The following SLC30A10 variants were observed in gnomAD, a reference collection of about 807,000 sequenced individuals.
SLC30A10 encodes solute carrier family 30 member 10, also known as calcium/manganese antiporter SLC30A10.
SLC30A10 carries 8 observed loss-of-function variants against 21.7 expected under a neutral mutation model. That is an observed-to-expected ratio of 0.37 (90% CI 0.22 to 0.67). The LOEUF (loss-of-function observed/expected upper bound fraction) is 0.67, where lower values mean the gene tolerates loss of function less well. Among genes scored for constraint, SLC30A10 ranks in the 30% least tolerant of loss-of-function variants. The pLI, the probability that SLC30A10 is intolerant of heterozygous loss-of-function variation, is 0.58. For synonymous variants in SLC30A10, 272 were observed against 279.4 expected (o/e 0.97, Z 0.26); for missense variants, 521 against 642.5 (o/e 0.81, Z 2.04).
In SLC30A10 at chr1:219,915,470, A is replaced by G. The variant is rs144010718; in HGVS notation, c.1437T>C (p.Tyr479=). 35 of 1,614,046 alleles carry G rather than the reference A, an allele frequency of 2.2e-5. No homozygotes were observed. The Middle Eastern group carries it at 4.9e-4, about 23-fold the overall frequency. The stretch of plus-strand genomic sequence containing the variant: ...CAGATTAAAAATGCGTTCTGTTGAC[A>G]TAACATTGGTCCTCCTGAGTTTTGT... ...SLNKTQEDQC[Y]VNRTHF The change falls in exon 4 of 4, where the codon TAT becomes TAC. Residue 479 remains tyrosine, a synonymous_variant. Transcript: ENST00000366926.
rs1571802500 is a variant in SLC30A10 at position 219,927,969 on chromosome 1, G to C, written c.472C>G (p.Leu158Val). 6.5e-7 allele frequency: 1 copy of C among 1,547,298 alleles called. No homozygotes were observed. The highest frequency in any genetic ancestry group is 8.7e-7 in the Non-Finnish European group (1 of 1,146,110). The change falls in exon 1 of 4, where the codon CTG becomes GTG. Residue 158 changes from leucine (L) to valine (V), a missense_variant. Transcript: ENST00000366926. ...RSRRLQQRQQ[L>V]AEGCVPGAFG... The stretch of plus-strand genomic sequence containing the variant: ...GCGCCGGGGACACAGCCCTCCGCCA[G>C]CTGCTGCCGCTGCTGCAGGCGGCGA...
chr1:219,946,723 C>T (rs190722630), intron 1 of SLC30A10, among the ~76,000 whole-genome samples: 3 of 152,186 alleles, frequency 2.0e-5, no homozygotes, highest in Admixed American at 1.3e-4. Flanking sequence ...CCCTGCTCTT[C>T]CAGTTGTTGT....
At chr1:219,916,019 A>C (rs1356190730) in intron 3 of SLC30A10, 71 bp from the exon 4 acceptor site, 1 of 1,537,720 alleles carries the variant, frequency 6.5e-7, no homozygotes, top group African/African-American at 1.4e-5. Flanking sequence ...CAGGAGGGAT[A>C]TGGTTCCGTT....
Position 219,918,514 on chromosome 1 carries a change from C to A in SLC30A10, c.719-20G>T. 6.4e-7 allele frequency: 1 copy of A among 1,558,282 alleles called. No individual in the cohort carries two copies. Among genetic ancestry groups the A allele is most frequent in the Non-Finnish European group, 8.7e-7 (1 of 1,151,082 alleles). On this transcript the variant is annotated intron_variant, in intron 2 of 3. Transcript: ENST00000366926. The surrounding 1 kb of genome is among the most constrained non-coding windows in gnomAD (Gnocchi z 4.4). Reference sequence around the variant, plus strand: ...GTACACCTGCCAGGAAGAAAGACTACTGCAGCACAGATGCAAATCTGGAAG... The same window carrying A: ...GTACACCTGCCAGGAAGAAAGACTAATGCAGCACAGATGCAAATCTGGAAG...
At chr1:219,950,855 G>A (rs924283805) in intron 1 of SLC30A10, among the ~76,000 whole-genome samples, 3 of 152,154 alleles carry the variant, frequency 2.0e-5, no homozygotes, top group African/African-American at 7.2e-5. Context: ...GGCTGAGGCA[G>A]GAGAATGGTT....
upstream of SLC30A10, among the ~76,000 whole-genome samples, chr1:219,931,587 TCTC>T (rs1162734745): frequency 1.3e-5 from 2 of 152,066 alleles, no homozygotes; most frequent in African/African-American, 4.8e-5. Flanking sequence ...TTCAACTGAT[TCTC>T]CTGCCTCAGC....
chr1:219,932,929 C>G (rs1458184800), upstream of SLC30A10, among the ~76,000 whole-genome samples: 4 of 150,962 alleles, frequency 2.6e-5, no homozygotes, highest in African/African-American at 4.9e-5. Flanking sequence ...GGCGTGGTGG[C>G]GCACGCCTGT....
At chr1:219,953,242 C>A (rs1214682758) in intron 1 of SLC30A10, among the ~76,000 whole-genome samples, 1 of 152,132 alleles carries the variant, frequency 6.6e-6, no homozygotes, top group East Asian at 1.9e-4. Flanking sequence ...ATTCTGCCTC[C>A]GATCTAGAAA....
upstream of SLC30A10, among the ~76,000 whole-genome samples, chr1:219,959,020 G>C (rs1432957898): frequency 6.6e-6 from 1 of 152,208 alleles, no homozygotes; most frequent in Admixed American, 6.5e-5. Context: ...TCGCCCCATG[G>C]CGTCTCGGTG....
At chr1:219,943,469 GCA>G (rs1215188170) in intron 1 of SLC30A10, among the ~76,000 whole-genome samples, 1 of 152,106 alleles carries the variant, frequency 6.6e-6, no homozygotes, top group Non-Finnish European at 1.5e-5. Context: ...CCTTCCACCA[GCA>G]CAGTGTCAGA....
At chr1:219,955,352 C>T (rs1278235951) in intron 1 of SLC30A10, among the ~76,000 whole-genome samples, 1 of 152,334 alleles carries the variant, frequency 6.6e-6, no homozygotes, top group African/African-American at 2.4e-5. Context: ...ATCACCTGAA[C>T]TTCCTCACAC....
At chr1:219,957,814 C>T (rs1302850945) in intron 1 of SLC30A10, among the ~76,000 whole-genome samples, 1 of 117,152 alleles carries the variant, frequency 8.5e-6, no homozygotes, top group Non-Finnish European at 1.9e-5. Context: ...ATGATTCCAT[C>T]TTAAAAAAAA....
intron 3 of SLC30A10, among the ~76,000 whole-genome samples, chr1:219,917,156 T>A (rs974214288): frequency 6.6e-6 from 1 of 151,598 alleles, no homozygotes; most frequent in African/African-American, 2.4e-5. Context: ...TTATAAAAAA[T>A]AATTTTTTTA....
Position 219,940,564 on chromosome 1 carries a change from C to A in SLC30A10, n.81-13459G>T, listed in dbSNP as rs77631535. ...ACCACCATGTGAAAGATTGGGAAGCCGTACAAAGGGTCTATAAAGTTTGGA... is the reference window on the plus strand; with the variant it reads ...ACCACCATGTGAAAGATTGGGAAGCAGTACAAAGGGTCTATAAAGTTTGGA... On this transcript the variant is annotated intron_variant and non_coding_transcript_variant, in intron 1 of 8. Coordinates refer to the SLC30A10 transcript ENST00000484239. Among the ~76,000 whole-genome samples, 1,150 of 152,100 alleles carry A rather than the reference C, an allele frequency of 7.6e-3. 11 individuals are homozygous for A. The highest frequency in any genetic ancestry group is 0.027 in the African/African-American group (1,122 of 41,468).
At chr1:219,952,500 G>A (rs1262417359) in intron 1 of SLC30A10, among the ~76,000 whole-genome samples, 1 of 152,114 alleles carries the variant, frequency 6.6e-6, no homozygotes, top group Non-Finnish European at 1.5e-5. Flanking sequence ...GTAGAGTAGA[G>A]TCTTTAATTA....
rs1390605851 is a variant in SLC30A10 at position 219,918,775 on chromosome 1, C to T, written c.719-281G>A. The stretch of plus-strand genomic sequence containing the variant: ...ACTGTGCCGTCTCACTGGGCCACAT[C>T]GCTACCACTCACCACCCATCAAAGG... On this transcript the variant is annotated intron_variant, in intron 2 of 3. Coordinates refer to ENST00000366926, the MANE Select transcript of SLC30A10 (RefSeq NM_018713.3). The surrounding 1 kb of genome is among the most constrained non-coding windows in gnomAD (Gnocchi z 4.4). The T allele has an allele frequency of 1.8e-5, 6 of 328,960 alleles. No homozygotes were observed. The highest frequency in any genetic ancestry group is 5.0e-5 in the East Asian group (1 of 19,886). The allele number at this position is 328,960 out of a possible 1,614,324, so 20.4% of individuals were successfully genotyped here.
chr1:219,922,189 T>TG (rs1558252140), intron 2 of SLC30A10, among the ~76,000 whole-genome samples: 28 of 13,420 alleles, frequency 2.1e-3, no homozygotes, highest in African/African-American at 4.2e-3. Context: ...TTTTTTTTTT[T>TG]TTTTTTTTTT....
chr1:219,914,135 A>G lies in SLC30A10; in HGVS notation c.*1314T>C, dbSNP rs539016661. 3.9e-5 allele frequency: 6 copies of G among 152,300 alleles called. No individual in the cohort carries two copies. The highest frequency in any genetic ancestry group is 1.4e-4 in the African/African-American group (6 of 41,566). 9.4% of individuals were successfully genotyped at this position (152,300 alleles called of 1,614,324 possible). A position where few individuals can be genotyped will look rare whatever the true frequency, so the allele number is the denominator to read the frequency against. On this transcript the variant is annotated 3_prime_UTR_variant, in exon 4 of 4. Coordinates refer to ENST00000366926, the MANE Select transcript of SLC30A10 (RefSeq NM_018713.3). The stretch of plus-strand genomic sequence containing the variant: ...TTATTTTCAGACAATCTTGCAGTCT[A>G]CCAGAGATGATACTAGTTGTCTAGT...
chr1:219,958,320 C>T (rs756134632), intron 1 of SLC30A10, among the ~76,000 whole-genome samples: 6 of 152,126 alleles, frequency 3.9e-5, no homozygotes, highest in Non-Finnish European at 8.8e-5. Flanking sequence ...CCTGAAGACA[C>T]TTTTTCATTC....
Sources: gnomAD v4.1 joint callset for allele counts (sites outside exome capture counted in the v4.1 genomes callset) on GRCh38, gnomAD v4.1.1 for gene constraint, Gnocchi (gnomAD v3.1) non-coding constraint, MANE v1.5 for transcripts, NCBI Gene and HGNC (gene_info 2026-07-23, HGNC 2026-07-21) for gene names.